Variants in RARS2 observed in about 807,000 individuals in gnomAD.
RARS2 encodes probable arginine--tRNA ligase, mitochondrial.
Under a neutral mutation model 88.5 loss-of-function variants are expected in RARS2, and 67 were observed. That is an observed-to-expected ratio of 0.76 (90% CI 0.62 to 0.93). The LOEUF (loss-of-function observed/expected upper bound fraction) is 0.93. Ranked by LOEUF, RARS2 falls within the 40% of genes least tolerant of loss-of-function variation. RARS2 has a pLI of 0.00. For missense variants in RARS2, 664 were observed against 684.2 expected (o/e 0.97, Z 0.33); for synonymous variants, 239 against 230.3 (o/e 1.04, Z -0.34).
chr6:87,575,425 G>A (rs1179726685), intron 1 of RARS2, among the ~76,000 whole-genome samples: 1 of 152,124 alleles, frequency 6.6e-6, no homozygotes, highest in Non-Finnish European at 1.5e-5. Flanking sequence ...ATTGCTATAA[G>A]CAATGGAGGC....
intron 12 of RARS2, 142 bp from the exon 13 acceptor site, chr6:87,520,398 G>T: frequency 1.5e-6 from 1 of 679,540 alleles, no homozygotes; most frequent in South Asian, 1.8e-5. Flanking sequence ...ACACAAAGAG[G>T]ATGCCACAAG....
Position 87,529,428 on chromosome 6 carries a change from T to C in RARS2, c.878+114A>G, listed in dbSNP as rs1562096397. 3.1e-5 allele frequency: 24 copies of C among 767,498 alleles called. No homozygotes were observed. In the East Asian group the frequency reaches 5.4e-4, roughly 17 times the overall value. The allele number at this position is 767,498 out of a possible 1,614,324, so 47.5% of individuals were successfully genotyped here. A position where few individuals can be genotyped will look rare whatever the true frequency, so the allele number is the denominator to read the frequency against. On this transcript the variant is annotated intron_variant, in intron 10 of 19. Transcript: ENST00000369536. The stretch of plus-strand genomic sequence containing the variant: ...GTACTCTGAACAGGAAAAAGCACTA[T>C]AAAAAATCCCAAGAAAGCTGCACAT...
intron 10 of RARS2, among the ~76,000 whole-genome samples, chr6:87,528,401 C>T (rs565790629): frequency 6.6e-6 from 1 of 152,290 alleles, no homozygotes; most frequent in African/African-American, 2.4e-5. Context: ...ATCCAGCAAA[C>T]TCACATCTGG....
At chr6:87,537,798 A>G (rs1456389505) in intron 8 of RARS2, among the ~76,000 whole-genome samples, 3 of 152,184 alleles carry the variant, frequency 2.0e-5, no homozygotes, top group African/African-American at 7.2e-5. Flanking sequence ...ATCAGCCAAC[A>G]TTATTTACCA....
At chr6:87,539,268 T>G (rs987261591) in intron 8 of RARS2, among the ~76,000 whole-genome samples, 7 of 152,186 alleles carry the variant, frequency 4.6e-5, no homozygotes, top group Non-Finnish European at 8.8e-5. Flanking sequence ...GTGTAAAAAG[T>G]GAAGTAGAGG....
intron 1 of RARS2, among the ~76,000 whole-genome samples, chr6:87,579,863 A>G (rs1490620427): frequency 6.6e-6 from 1 of 151,388 alleles, no homozygotes; most frequent in Non-Finnish European, 1.5e-5. Context: ...AGTACCTGGG[A>G]CTACAGCCTC....
intron 4 of RARS2, among the ~76,000 whole-genome samples, chr6:87,557,584 T>C (rs1786374730): frequency 6.6e-6 from 1 of 152,220 alleles, no homozygotes; most frequent in African/African-American, 2.4e-5. Context: ...TTTTAAAAAA[T>C]TGATCATTTA....
At chr6:87,551,400 T>A (rs147091240) in intron 5 of RARS2, among the ~76,000 whole-genome samples, 199 of 152,030 alleles carry the variant, frequency 1.3e-3, no homozygotes, top group Non-Finnish European at 2.6e-3. Context: ...CCGAGCTGGG[T>A]GGATCACTTG....
At chr6:87,585,710 C>A (rs138396485) in intron 1 of RARS2, among the ~76,000 whole-genome samples, 1 of 151,448 alleles carries the variant, frequency 6.6e-6, no homozygotes. Flanking sequence ...CTAGCCCGGA[C>A]GACTGAGCAA....
At chr6:87,579,654 A>T (rs78421471) in intron 1 of RARS2, among the ~76,000 whole-genome samples, 3 of 138,458 alleles carry the variant, frequency 2.2e-5, no homozygotes, top group Admixed American at 7.4e-5. Context: ...GGTGCAGCAT[A>T]AAAAAAAAAG....
chr6:87,521,822 C>T (rs1000051753), intron 11 of RARS2, among the ~76,000 whole-genome samples: 3 of 152,132 alleles, frequency 2.0e-5, no homozygotes, highest in African/African-American at 7.2e-5. Flanking sequence ...TAAAATAGCT[C>T]TGGGTGAAGT....
intron 8 of RARS2, among the ~76,000 whole-genome samples, chr6:87,531,162 G>C (rs1477502223): frequency 6.6e-6 from 1 of 151,918 alleles, no homozygotes; most frequent in African/African-American, 2.4e-5. Context: ...AAAATACACA[G>C]GGTTACAAAG....
At position 87,516,831 on chromosome 6, in the gene RARS2, T is replaced by C; in HGVS notation, c.1561A>G (p.Ile521Val). ...CTTAAAGTTAGAAGGTAACTGACGA[T>C]ATGCCTGGGTTGAAAGTCCTGAGAT... is the stretch of plus-strand genomic sequence containing the variant. ...KSSQDFQPRH[I>V]VSYLLTLSHL... Residue 521 changes from isoleucine (I) to valine (V), a missense_variant, in exon 18 of 20, where the codon ATC becomes GTC. Physicochemically the swap from Ile to Val is conservative, Grantham distance 29 (BLOSUM62 3). Coordinates refer to ENST00000369536, the MANE Select transcript of RARS2 (RefSeq NM_020320.5). 3.7e-6 allele frequency: 6 copies of C among 1,613,868 alleles called. No individual in the cohort carries two copies. The highest frequency in any genetic ancestry group is 4.5e-5 in the East Asian group (2 of 44,866).
At chr6:87,518,400 T>C (rs1164934594) in intron 16 of RARS2, 136 bp from the exon 17 acceptor site, 2 of 1,526,666 alleles carry the variant, frequency 1.3e-6, no homozygotes, top group Middle Eastern at 1.9e-4. Context: ...GAGGTAACAG[T>C]ATATTTTTCG....
chr6:87,550,910 G>A (rs1039219087), intron 5 of RARS2, among the ~76,000 whole-genome samples: 5 of 151,628 alleles, frequency 3.3e-5, no homozygotes, highest in Non-Finnish European at 5.9e-5. Flanking sequence ...ACTGATATTC[G>A]GATTAATAGA....
At chr6:87,576,095 C>CGGCCAACACAA (rs1272053470) in intron 1 of RARS2, among the ~76,000 whole-genome samples, 133 of 124,694 alleles carry the variant, frequency 1.1e-3, no homozygotes, top group South Asian at 1.4e-3. Context: ...CCAATGCGCC[C>CGGCCAACACAA]AGCTGGATAA....
At chr6:87,551,669 A>G (rs1484782794) in intron 5 of RARS2, among the ~76,000 whole-genome samples, 1 of 145,300 alleles carries the variant, frequency 6.9e-6, no homozygotes, top group Admixed American at 7.0e-5. Context: ...TATTTTCCAG[A>G]TAAGAGGCCA....
At chr6:87,541,870 C>A (rs1781089771) in intron 8 of RARS2, 48 bp downstream of exon 8, 1 of 1,348,282 alleles carries the variant, frequency 7.4e-7, no homozygotes, top group African/African-American at 1.4e-5. Flanking sequence ...TGTTACTAAG[C>A]TACATAGTAC....
intron 4 of RARS2, among the ~76,000 whole-genome samples, chr6:87,557,320 T>C (rs1562194771): frequency 6.6e-6 from 1 of 152,204 alleles, no homozygotes; most frequent in Non-Finnish European, 1.5e-5. Flanking sequence ...TACAGAATAG[T>C]GTCTGTCGTA....
Sources: gnomAD v4.1 joint callset for allele counts (sites outside exome capture counted in the v4.1 genomes callset) on GRCh38, gnomAD v4.1.1 for gene constraint, MANE v1.5 for transcripts, NCBI Gene and HGNC (gene_info 2026-07-23, HGNC 2026-07-21) for gene names.